OTUD7B: variants seen among roughly 807,000 people sequenced by gnomAD.
OTUD7B encodes OTU domain-containing protein 7B.
In OTUD7B, 34 loss-of-function variants were observed where a neutral mutation model predicts 82.2. That is an observed-to-expected ratio of 0.41 (90% confidence interval 0.31 to 0.55). OTUD7B has a LOEUF of 0.55. Among genes scored for constraint, OTUD7B ranks in the 20% least tolerant of loss-of-function variants. The probability of loss-of-function intolerance (pLI) is 0.20; values close to 1 mark genes in which losing one functional copy is unlikely to be tolerated. For synonymous variants in OTUD7B, 398 were observed against 402.7 expected, an observed-to-expected ratio of 0.99 and a Z score of 0.14; for missense variants, 944 against 1,062.1, an observed-to-expected ratio of 0.89 and a Z score of 1.55.
chr1:150,015,771 C>G, the OTUD7B span, among the ~76,000 whole-genome samples: 2 of 152,024 alleles, frequency 1.3e-5, no homozygotes, highest in Non-Finnish European at 2.9e-5. Context: ...GGAGATTGGC[C>G]TCAGTAGAGG....
At chr1:150,056,052 TA>T in the OTUD7B span, among the ~76,000 whole-genome samples, 30 of 151,994 alleles carry the variant, frequency 2.0e-4, no homozygotes, top group Admixed American at 2.6e-4. Flanking sequence ...TTTAAATAAA[TA>T]AATAAATAAG....
chr1:150,025,541 A>C, the OTUD7B span, among the ~76,000 whole-genome samples: 1 of 152,076 alleles, frequency 6.6e-6, no homozygotes, highest in African/African-American at 2.4e-5. Flanking sequence ...CTCTATTACA[A>C]CTTCTTTCTG....
rs1647331567 is a variant in OTUD7B at position 149,942,587 on chromosome 1, A to C, written c.*1270T>G. ...TTCACTAAAATATATTTCTCTAACT[A>C]CCTTTTTATAAATTGCCCCTATATG... is the stretch of plus-strand genomic sequence containing the variant. On this transcript the variant is annotated 3_prime_UTR_variant, in exon 12 of 12. Transcript: ENST00000581312. 1 of 152,444 alleles carries C rather than the reference A, an allele frequency of 6.6e-6. No homozygotes were observed. The highest frequency in any genetic ancestry group is 1.5e-5 in the Non-Finnish European group (1 of 68,018). The allele number at this position is 152,444 out of a possible 1,614,324, so 9.4% of individuals were successfully genotyped here.
At chr1:149,991,759 C>T (rs868939225) in intron 1 of OTUD7B, among the ~76,000 whole-genome samples, 2 of 152,114 alleles carry the variant, frequency 1.3e-5, no homozygotes, top group Non-Finnish European at 2.9e-5. Context: ...TCACATGTAC[C>T]ACTAGCCCTC....
the OTUD7B span, among the ~76,000 whole-genome samples, chr1:150,062,735 G>A: frequency 3.2e-5 from 3 of 92,386 alleles, no homozygotes; most frequent in African/African-American, 1.4e-4. Flanking sequence ...TTTTTGAGAC[G>A]GAGTTTCACT....
chr1:150,012,624 A>G (rs1653128421), upstream of OTUD7B, among the ~76,000 whole-genome samples: 1 of 142,862 alleles, frequency 7.0e-6, no homozygotes, highest in Non-Finnish European at 1.5e-5. Flanking sequence ...CCTCAATATA[A>G]GACTTTTTCT....
At chr1:150,014,741 T>C (rs782476745), upstream of OTUD7B, among the ~76,000 whole-genome samples, 4 of 152,092 alleles carry the variant, frequency 2.6e-5, no homozygotes, top group Admixed American at 6.5e-5. Context: ...GCGAACGTAA[T>C]CTTGAAGATA....
the OTUD7B span, among the ~76,000 whole-genome samples, chr1:150,064,003 G>A: frequency 2.2e-4 from 34 of 152,232 alleles, no homozygotes; most frequent in African/African-American, 7.9e-4. Context: ...AAGTCTTAAT[G>A]GAAATTATAT....
the OTUD7B span, among the ~76,000 whole-genome samples, chr1:150,039,664 T>C: frequency 1.3e-5 from 2 of 152,362 alleles, no homozygotes; most frequent in South Asian, 4.1e-4. Flanking sequence ...CATGAGCCAC[T>C]GCGCCTGGCC....
intron 9 of OTUD7B, 118 bp from the exon 10 acceptor site, chr1:149,949,201 T>A (rs1647995818): frequency 1.5e-6 from 1 of 653,884 alleles, no homozygotes; most frequent in African/African-American, 1.8e-5. Context: ...TCTCAATTCT[T>A]ACACGTGAAT....
chr1:149,939,835 A>T lies in OTUD7B; in HGVS notation c.*4022T>A, dbSNP rs946913829. 1 of 152,208 alleles carries T rather than the reference A, an allele frequency of 6.6e-6. No individual in the cohort carries two copies. Among genetic ancestry groups the T allele is most frequent in the Admixed American group, 6.5e-5 (1 of 15,280 alleles). 9.4% of individuals were successfully genotyped at this position (152,208 alleles called of 1,614,324 possible). ...TCCCAGCCACCTGGGAGGCTGAGAC[A>T]GGAGAATCACTTGAACCCAGGAGAC... On this transcript the variant is annotated 3_prime_UTR_variant, in exon 12 of 12. Transcript: ENST00000581312.
At chr1:150,012,466 T>C (rs782267351), upstream of OTUD7B, among the ~76,000 whole-genome samples, 2 of 152,322 alleles carry the variant, frequency 1.3e-5, no homozygotes, top group East Asian at 3.9e-4. Context: ...CACAGATCTG[T>C]AGAAGAGGAG....
intron 1 of OTUD7B, among the ~76,000 whole-genome samples, chr1:149,980,982 T>C (rs1650682591): frequency 7.0e-6 from 1 of 142,970 alleles, no homozygotes; most frequent in Admixed American, 7.2e-5. Flanking sequence ...GCCCCTACTC[T>C]TCAGGCTGGG....
chr1:150,028,449 C>T, the OTUD7B span, among the ~76,000 whole-genome samples: 3 of 151,986 alleles, frequency 2.0e-5, no homozygotes, highest in Non-Finnish European at 4.4e-5. Context: ...TACAAATGTA[C>T]TACAGTATCT....
the OTUD7B span, among the ~76,000 whole-genome samples, chr1:150,020,719 A>C: frequency 9.7e-4 from 147 of 152,286 alleles, no homozygotes; most frequent in Non-Finnish European, 1.2e-3. Context: ...ATTTCTGAAA[A>C]ACTTTGATTA....
At chr1:150,007,047 T>C (rs1553786296) in intron 1 of OTUD7B, among the ~76,000 whole-genome samples, 1 of 152,150 alleles carries the variant, frequency 6.6e-6, no homozygotes, top group Non-Finnish European at 1.5e-5. Flanking sequence ...CTCCACCCTC[T>C]TGCCTGCTCT....
At position 149,944,319 on chromosome 1, in the gene OTUD7B, A is replaced by C. The variant is rs372455026; in HGVS notation, c.2070T>G (p.Thr690=). The C allele has an allele frequency of 6.2e-7, 1 of 1,611,160 alleles. No homozygotes were observed. The highest frequency in any genetic ancestry group is 8.5e-7 in the Non-Finnish European group (1 of 1,178,188). ...GGATAGTAAAGTCCCCAGGGTAGCC[A>C]GTGGAAAATGCCATTGCCCTGGACT... is the stretch of plus-strand genomic sequence containing the variant. ...PAESRAMAFS[T]GYPGDFTIPR... Residue 690 remains threonine, a synonymous_variant, in exon 12 of 12, where the codon ACT becomes ACG. Coordinates refer to ENST00000581312, the MANE Select transcript of OTUD7B (RefSeq NM_020205.4).
At chr1:149,969,503 G>A (rs892256838) in intron 3 of OTUD7B, among the ~76,000 whole-genome samples, 16 of 152,080 alleles carry the variant, frequency 1.1e-4, no homozygotes, top group Non-Finnish European at 1.9e-4. Context: ...GGCCGGGCAC[G>A]ATGGCTCACG....
At chr1:149,970,701 C>T (rs975945407) in intron 3 of OTUD7B, among the ~76,000 whole-genome samples, 1 of 152,154 alleles carries the variant, frequency 6.6e-6, no homozygotes, top group African/African-American at 2.4e-5. Context: ...AGTCAGAGTA[C>T]ATATGCATTT....
Sources: allele counts gnomAD v4.1 joint callset (sites outside exome capture counted in the v4.1 genomes callset), GRCh38; gene constraint gnomAD v4.1.1; transcripts MANE v1.5; gene names NCBI Gene and HGNC (gene_info 2026-07-23, HGNC 2026-07-21).